The following DGKG variants were observed in gnomAD, a reference collection of about 807,000 sequenced individuals.
The protein encoded by DGKG is diacylglycerol kinase gamma, also known as DAG kinase gamma.
In DGKG, 78 loss-of-function variants were observed where a neutral mutation model predicts 105.3. The observed-to-expected ratio is 0.74, with a 90% confidence interval of 0.62 to 0.89. The LOEUF (loss-of-function observed/expected upper bound fraction) is 0.89. DGKG is among the 40% of genes least tolerant of loss of function. The probability of loss-of-function intolerance (pLI) is 0.00; values close to 1 mark genes in which losing one functional copy is unlikely to be tolerated. For missense variants in DGKG, 958 were observed against 1,020.1 expected, an observed-to-expected ratio of 0.94 and a Z score of 0.83; for synonymous variants, 346 against 367.1, an observed-to-expected ratio of 0.94 and a Z score of 0.66.
intron 20 of DGKG, among the ~76,000 whole-genome samples, chr3:186,218,698 T>C (rs1043641645): frequency 1.3e-5 from 2 of 152,080 alleles, no homozygotes; most frequent in African/African-American, 4.8e-5. Context: ...AATCCAGAAA[T>C]ATATTTTCAT....
At chr3:186,295,358 C>T (rs1024901212) in intron 5 of DGKG, among the ~76,000 whole-genome samples, 11 of 151,798 alleles carry the variant, frequency 7.2e-5, no homozygotes, top group Non-Finnish European at 1.0e-4. Flanking sequence ...AAGAATTAGC[C>T]GGGTGTGGTG....
At chr3:186,150,635 T>C (rs1003110338) in intron 24 of DGKG, among the ~76,000 whole-genome samples, 2 of 152,186 alleles carry the variant, frequency 1.3e-5, no homozygotes, top group African/African-American at 4.8e-5. Context: ...AAGGCAGTGC[T>C]GAGATGTCAA....
At chr3:186,330,205 A>G (rs1199252779) in intron 1 of DGKG, among the ~76,000 whole-genome samples, 1 of 152,234 alleles carries the variant, frequency 6.6e-6, no homozygotes, top group Non-Finnish European at 1.5e-5. Context: ...CTCACATTTT[A>G]TATTAAAATA....
Position 186,361,627 on chromosome 3 carries a change from C to T in DGKG, c.-249+319G>A, listed in dbSNP as rs938471924. Among the ~76,000 whole-genome samples the T allele has an allele frequency of 3.9e-5, 6 of 152,238 alleles. No homozygotes were observed. The highest frequency in any genetic ancestry group is 7.3e-5 in the Non-Finnish European group (5 of 68,046). ...GTTAAGTCCAGAAGAAGAAGGAAATCCGACCAGTTGCTTTAGCAAACTGCC... is the reference window on the plus strand; with the variant it reads ...GTTAAGTCCAGAAGAAGAAGGAAATTCGACCAGTTGCTTTAGCAAACTGCC... On this transcript the variant is annotated intron_variant, in intron 1 of 24. Transcript: ENST00000265022. This position sits in a 1 kb window ranked among gnomAD's most constrained non-coding sequence, Gnocchi z 6.8.
At chr3:186,337,361 T>C (rs1725877710) in intron 1 of DGKG, among the ~76,000 whole-genome samples, 1 of 151,982 alleles carries the variant, frequency 6.6e-6, no homozygotes, top group Non-Finnish European at 1.5e-5. Context: ...ACCATCTCAA[T>C]ATATGTAGAA....
chr3:186,216,410 T>C (rs1719295952), intron 20 of DGKG, among the ~76,000 whole-genome samples: 2 of 152,164 alleles, frequency 1.3e-5, no homozygotes, highest in South Asian at 4.2e-4. Context: ...CTCTTTTAAC[T>C]CAGGCACTTT....
intron 20 of DGKG, among the ~76,000 whole-genome samples, chr3:186,218,950 G>C (rs770411043): frequency 1.8e-4 from 28 of 152,114 alleles, no homozygotes; most frequent in Non-Finnish European, 2.6e-4. Context: ...ACTAGCATTG[G>C]ATTACTAAGG....
intron 5 of DGKG, among the ~76,000 whole-genome samples, chr3:186,292,483 A>G (rs1305486493): frequency 2.6e-5 from 4 of 152,226 alleles, no homozygotes; most frequent in Admixed American, 6.5e-5. Flanking sequence ...AAATGACTTA[A>G]CTAAGTGAAG....
chr3:186,190,942 G>T (rs572738400), intron 21 of DGKG, among the ~76,000 whole-genome samples: 31 of 152,264 alleles, frequency 2.0e-4, no homozygotes, highest in Non-Finnish European at 1.5e-5. Context: ...GCATCTTCTG[G>T]ACTGGACTGT....
chr3:186,316,038 C>A (rs1173597968), intron 2 of DGKG, among the ~76,000 whole-genome samples: 1 of 152,216 alleles, frequency 6.6e-6, no homozygotes, highest in African/African-American at 2.4e-5. Context: ...CCCTGGAAGA[C>A]AAGAAAGTGC....
At chr3:186,227,439 C>T (rs1454743164) in intron 20 of DGKG, among the ~76,000 whole-genome samples, 1 of 152,188 alleles carries the variant, frequency 6.6e-6, no homozygotes, top group African/African-American at 2.4e-5. Flanking sequence ...AGGGCTGAAA[C>T]TCAGTTCTTT....
intron 1 of DGKG, among the ~76,000 whole-genome samples, chr3:186,338,103 G>A (rs2108657786): frequency 6.7e-6 from 1 of 149,436 alleles, no homozygotes; most frequent in African/African-American, 2.5e-5. Context: ...CCAGGAGACA[G>A]AGGTTGTAGT....
chr3:186,355,134 C>T (rs1357932316), intron 1 of DGKG, among the ~76,000 whole-genome samples: 1 of 145,074 alleles, frequency 6.9e-6, no homozygotes, highest in Non-Finnish European at 1.5e-5. Context: ...ATCACCCTGC[C>T]CCCAACCACC....
At chr3:186,217,389 T>C (rs1719347964) in intron 20 of DGKG, among the ~76,000 whole-genome samples, 1 of 152,154 alleles carries the variant, frequency 6.6e-6, no homozygotes, top group South Asian at 2.1e-4. Context: ...CTCTGAACTA[T>C]CCAGATGAAC....
At chr3:186,244,142 G>A (rs537430998) in intron 19 of DGKG, among the ~76,000 whole-genome samples, 3 of 151,854 alleles carry the variant, frequency 2.0e-5, no homozygotes, top group South Asian at 4.2e-4. Flanking sequence ...TGCCCGCCTC[G>A]GCCTCCCAAA....
At chr3:186,333,416 C>A (rs908176064) in intron 1 of DGKG, among the ~76,000 whole-genome samples, 5 of 152,174 alleles carry the variant, frequency 3.3e-5, no homozygotes, top group African/African-American at 1.2e-4. Flanking sequence ...TCTGTCAAAT[C>A]AGTTCCACTT....
intron 17 of DGKG, among the ~76,000 whole-genome samples, chr3:186,256,277 G>A (rs1257066228): frequency 6.6e-6 from 1 of 152,126 alleles, no homozygotes. Context: ...CAGCCTTCTC[G>A]CCCAGCTAGG....
At chr3:186,273,881 C>T (rs965287775) in intron 10 of DGKG, among the ~76,000 whole-genome samples, 20 of 152,306 alleles carry the variant, frequency 1.3e-4, no homozygotes, top group African/African-American at 4.8e-4. Flanking sequence ...TGTTGCTGTC[C>T]ACATCACGGG....
At chr3:186,151,651 T>C (rs11927308) in intron 24 of DGKG, among the ~76,000 whole-genome samples, 78,770 of 151,890 alleles carry the variant, frequency 0.52, 20,779 homozygotes, top group East Asian at 0.75. Flanking sequence ...CATGAAGAAA[T>C]GAGGAAGCAT....
Sources: allele counts gnomAD v4.1 joint callset (sites outside exome capture counted in the v4.1 genomes callset), GRCh38; gene constraint gnomAD v4.1.1; non-coding constraint Gnocchi (gnomAD v3.1); transcripts MANE v1.5; gene names NCBI Gene and HGNC (gene_info 2026-07-23, HGNC 2026-07-21).